Variants in GALNT13 observed in about 807,000 individuals in gnomAD.
The protein encoded by GALNT13 is polypeptide N-acetylgalactosaminyltransferase 13.
GALNT13 carries 28 observed loss-of-function variants against 64.2 expected under a neutral mutation model. That is an observed-to-expected ratio of 0.44 (90% CI 0.32 to 0.60). The LOEUF (loss-of-function observed/expected upper bound fraction) is 0.60, where lower values mean the gene tolerates loss of function less well. Among genes scored for constraint, GALNT13 ranks in the 20% least tolerant of loss-of-function variants. The pLI, the probability that GALNT13 is intolerant of heterozygous loss-of-function variation, is 0.05. For missense variants in GALNT13, 577 were observed against 669.8 expected (o/e 0.86, Z 1.53); for synonymous variants, 214 against 224.6 (o/e 0.95, Z 0.42).
chr2:153,345,679 CTTTCTT>C, the GALNT13 span, among the ~76,000 whole-genome samples: 6 of 138,370 alleles, frequency 4.3e-5, no homozygotes, highest in East Asian at 1.3e-3. Flanking sequence ...TTCTTTCTTT[CTTTCTT>C]TCTTTCTTTC....
chr2:154,381,541 G>T (rs1272858623), intron 9 of GALNT13, among the ~76,000 whole-genome samples: 1 of 152,024 alleles, frequency 6.6e-6, no homozygotes, highest in African/African-American at 2.4e-5. Context: ...AGGTTTTGTG[G>T]AACATTGTAT....
At chr2:153,375,415 C>T in the GALNT13 span, among the ~76,000 whole-genome samples, 2 of 152,106 alleles carry the variant, frequency 1.3e-5, no homozygotes, top group African/African-American at 4.8e-5. Flanking sequence ...GTTTTTCATT[C>T]AGTTATTTGT....
intron 2 of GALNT13, among the ~76,000 whole-genome samples, chr2:153,906,374 T>C (rs1688562885): frequency 6.7e-6 from 1 of 150,154 alleles, no homozygotes. Context: ...TAGGTATATC[T>C]CCTAATGCTA....
At chr2:153,629,387 A>G in the GALNT13 span, among the ~76,000 whole-genome samples, 1 of 151,830 alleles carries the variant, frequency 6.6e-6, no homozygotes, top group African/African-American at 2.4e-5. Context: ...GAGAAAAACA[A>G]GCAGTGGGGA....
chr2:153,093,143 G>T, the GALNT13 span, among the ~76,000 whole-genome samples: 3 of 151,218 alleles, frequency 2.0e-5, no homozygotes, highest in African/African-American at 7.3e-5. Flanking sequence ...CTCTTGTATA[G>T]TGTACCACAT....
At chr2:153,564,325 C>A in the GALNT13 span, among the ~76,000 whole-genome samples, 1 of 152,004 alleles carries the variant, frequency 6.6e-6, no homozygotes, top group Admixed American at 6.6e-5. Flanking sequence ...TCACAATTTG[C>A]TGAAAATATT....
the GALNT13 span, among the ~76,000 whole-genome samples, chr2:153,512,882 A>G: frequency 3.3e-5 from 5 of 152,268 alleles, no homozygotes; most frequent in South Asian, 1.0e-3. Context: ...GTTTATTCCA[A>G]TTTCATTTGA....
At chr2:153,769,985 T>G in the GALNT13 span, among the ~76,000 whole-genome samples, 1 of 152,224 alleles carries the variant, frequency 6.6e-6, no homozygotes, top group Non-Finnish European at 1.5e-5. Context: ...TGTGATCTAT[T>G]TGTGTTGCTT....
chr2:154,125,532 A>C (rs1466268725), intron 3 of GALNT13, among the ~76,000 whole-genome samples: 1 of 152,198 alleles, frequency 6.6e-6, no homozygotes, highest in Non-Finnish European at 1.5e-5. Flanking sequence ...TATTTACTGA[A>C]AGGCTACTGC....
chr2:153,822,234 C>T, the GALNT13 span, among the ~76,000 whole-genome samples: 1 of 152,084 alleles, frequency 6.6e-6, no homozygotes, highest in Admixed American at 6.5e-5. Context: ...ACCCATTCCA[C>T]AAAGCCATCA....
chr2:153,649,126 T>C, the GALNT13 span, among the ~76,000 whole-genome samples: 48 of 152,186 alleles, frequency 3.2e-4, no homozygotes, highest in Admixed American at 2.9e-3. Context: ...CTATTAATTA[T>C]TGCCTCAGTT....
At chr2:153,116,057 G>C in the GALNT13 span, among the ~76,000 whole-genome samples, 2 of 152,068 alleles carry the variant, frequency 1.3e-5, no homozygotes, top group Non-Finnish European at 2.9e-5. Flanking sequence ...TGTGGTTTTA[G>C]GGGATAAACT....
At chr2:154,443,604 A>AT (rs1023133531) in intron 12 of GALNT13, among the ~76,000 whole-genome samples, 11 of 151,946 alleles carry the variant, frequency 7.2e-5, no homozygotes, top group African/African-American at 2.7e-4. Flanking sequence ...TAAAATATCT[A>AT]TTTTTTTAAA....
At chr2:153,604,083 A>T in the GALNT13 span, among the ~76,000 whole-genome samples, 1 of 152,134 alleles carries the variant, frequency 6.6e-6, no homozygotes, top group Non-Finnish European at 1.5e-5. Context: ...ATGGCTAGTC[A>T]AGATATTGTT....
intron 4 of GALNT13, among the ~76,000 whole-genome samples, chr2:154,152,289 C>T (rs1684087554): frequency 6.6e-6 from 1 of 152,084 alleles, no homozygotes. Context: ...AGAGTTTCTG[C>T]CGAGAGATCC....
At position 154,301,455 on chromosome 2, in the gene GALNT13, T is replaced by C; in HGVS notation, c.1022T>C (p.Val341Ala). 1 of 1,613,824 alleles carries C rather than the reference T, an allele frequency of 6.2e-7. No homozygotes were observed. Among genetic ancestry groups the C allele is most frequent in the Non-Finnish European group, 8.5e-7 (1 of 1,179,792 alleles). The change falls in exon 9 of 13, where the codon GTT becomes GCT. Residue 341 changes from valine (V) to alanine (A), a missense_variant. Physicochemically the swap from Val to Ala is moderately conservative, Grantham distance 64. Coordinates refer to ENST00000392825, the MANE Select transcript of GALNT13 (RefSeq NM_052917.4). Reference sequence around the variant, plus strand: ...TTGGAGATTGTTACTTGCTCCCATGTTGGTCATGTTTTTCGGAAGGCAACT... The same window carrying C: ...TTGGAGATTGTTACTTGCTCCCATGCTGGTCATGTTTTTCGGAAGGCAACT... Reference protein sequence around the residue: ...GSLEIVTCSHVGHVFRKATPY... With the variant: ...GSLEIVTCSHAGHVFRKATPY...
the GALNT13 span, among the ~76,000 whole-genome samples, chr2:153,372,482 C>T: frequency 1.3e-5 from 2 of 152,022 alleles, no homozygotes; most frequent in Non-Finnish European, 1.5e-5. Flanking sequence ...CCCGTCTCTA[C>T]TAAAAATACA....
the GALNT13 span, among the ~76,000 whole-genome samples, chr2:153,530,548 A>G: frequency 6.4e-4 from 97 of 152,160 alleles, no homozygotes; most frequent in Non-Finnish European, 1.1e-3. Context: ...AATCACAAAG[A>G]CTCAGAATAA....
At chr2:153,793,305 A>T in the GALNT13 span, among the ~76,000 whole-genome samples, 2 of 151,886 alleles carry the variant, frequency 1.3e-5, no homozygotes, top group African/African-American at 2.4e-5. Context: ...TAAAGGCTTT[A>T]AAAAAAATAC....
Sources: gnomAD v4.1 joint callset for allele counts (sites outside exome capture counted in the v4.1 genomes callset) on GRCh38, gnomAD v4.1.1 for gene constraint, MANE v1.5 for transcripts, NCBI Gene and HGNC (gene_info 2026-07-23, HGNC 2026-07-21) for gene names.